TRIQK: variants seen among roughly 807,000 people sequenced by gnomAD.
The protein encoded by TRIQK is triple QxxK/R motif-containing protein.
A neutral mutation model predicts 10.8 loss-of-function variants in TRIQK; 10 were observed. That is an observed-to-expected ratio of 0.92 (90% CI 0.57 to 1.57). The LOEUF (loss-of-function observed/expected upper bound fraction) is 1.57. TRIQK is among the 40% of genes most tolerant of loss of function. The pLI is 0.00. For synonymous variants in TRIQK, 33 were observed against 33.7 expected (o/e 0.98, Z 0.07); for missense variants, 107 against 97.7 (o/e 1.09, Z -0.40).
intron 1 of TRIQK, among the ~76,000 whole-genome samples, chr8:92,984,389 C>T (rs1813012971): frequency 6.6e-6 from 1 of 151,886 alleles, no homozygotes; most frequent in Admixed American, 6.6e-5. Flanking sequence ...ATTTGAAAGG[C>T]AAAGATTCAG....
At chr8:92,912,277 G>T (rs990591605) in intron 3 of TRIQK, among the ~76,000 whole-genome samples, 1 of 151,462 alleles carries the variant, frequency 6.6e-6, no homozygotes, top group East Asian at 1.9e-4. Context: ...AAAGGAAAAT[G>T]GGAAATTCAC....
At chr8:92,899,498 C>A (rs956922919) in intron 3 of TRIQK, among the ~76,000 whole-genome samples, 1 of 151,976 alleles carries the variant, frequency 6.6e-6, no homozygotes, top group Non-Finnish European at 1.5e-5. Flanking sequence ...TGAGAAGATG[C>A]CCACTTTTTC....
At chr8:92,911,902 C>CATATAT (rs3061292) in intron 3 of TRIQK, among the ~76,000 whole-genome samples, 86 of 140,614 alleles carry the variant, frequency 6.1e-4, no homozygotes, top group African/African-American at 1.6e-3. Flanking sequence ...TGTGTGTAGA[C>CATATAT]ATATATATAT....
intron 1 of TRIQK, among the ~76,000 whole-genome samples, chr8:92,990,496 C>T (rs1463072189): frequency 1.3e-5 from 2 of 152,148 alleles, no homozygotes; most frequent in Non-Finnish European, 2.9e-5. Context: ...CGGTCTGCAG[C>T]TCCCAGCAAG....
At chr8:93,000,190 A>G (rs1414677997) in intron 1 of TRIQK, among the ~76,000 whole-genome samples, 1 of 152,200 alleles carries the variant, frequency 6.6e-6, no homozygotes, top group African/African-American at 2.4e-5. Context: ...ATAACTTTCA[A>G]CTTTCTAGTA....
intron 3 of TRIQK, among the ~76,000 whole-genome samples, chr8:92,914,753 T>C (rs1428725150): frequency 1.3e-5 from 2 of 152,060 alleles, no homozygotes; most frequent in African/African-American, 2.4e-5. Context: ...TTAGTGAGGA[T>C]ACAGAAAAGA....
intron 1 of TRIQK, among the ~76,000 whole-genome samples, chr8:93,016,766 C>T (rs918609691): frequency 4.6e-5 from 7 of 152,022 alleles, no homozygotes; most frequent in African/African-American, 7.2e-5. Flanking sequence ...GAGGTATTCC[C>T]GACAGAGGCA....
intron 3 of TRIQK, among the ~76,000 whole-genome samples, chr8:92,915,789 C>T (rs565266900): frequency 3.3e-5 from 5 of 151,878 alleles, no homozygotes; most frequent in Admixed American, 6.6e-5. Context: ...GTTAAGTCAC[C>T]GCGCCCGGCC....
chr8:92,936,540 T>C (rs1474793814), intron 2 of TRIQK, among the ~76,000 whole-genome samples: 1 of 151,590 alleles, frequency 6.6e-6, no homozygotes, highest in Non-Finnish European at 1.5e-5. Flanking sequence ...ACCCTGTTGA[T>C]ACATAGGCAA....
intron 3 of TRIQK, among the ~76,000 whole-genome samples, chr8:92,899,731 T>A (rs561246810): frequency 6.6e-6 from 1 of 151,056 alleles, no homozygotes; most frequent in East Asian, 2.0e-4. Context: ...GATATCTTTT[T>A]GGTATCCTGA....
At chr8:93,015,262 A>C (rs1040840667) in intron 1 of TRIQK, among the ~76,000 whole-genome samples, 2 of 152,060 alleles carry the variant, frequency 1.3e-5, no homozygotes, top group East Asian at 3.9e-4. Flanking sequence ...ACATAATTCT[A>C]GTGTATTTCT....
At chr8:93,004,418 T>C (rs1479934516) in intron 1 of TRIQK, among the ~76,000 whole-genome samples, 1 of 152,152 alleles carries the variant, frequency 6.6e-6, no homozygotes, top group Non-Finnish European at 1.5e-5. Flanking sequence ...CACGAAACAA[T>C]GTTTCCCTCC....
At chr8:92,899,788 T>C (rs1166097649) in intron 3 of TRIQK, among the ~76,000 whole-genome samples, 1 of 152,174 alleles carries the variant, frequency 6.6e-6, no homozygotes, top group African/African-American at 2.4e-5. Context: ...TGCTGGATCA[T>C]CTGGTAGCTC....
At chr8:92,941,559 T>C (rs1236049329) in intron 2 of TRIQK, among the ~76,000 whole-genome samples, 3 of 151,780 alleles carry the variant, frequency 2.0e-5, no homozygotes, top group Non-Finnish European at 4.4e-5. Context: ...ATGAAACTTA[T>C]AATCAATAGA....
chr8:92,899,671 T>C (rs766125441), intron 3 of TRIQK, among the ~76,000 whole-genome samples: 1 of 152,226 alleles, frequency 6.6e-6, no homozygotes, highest in Non-Finnish European at 1.5e-5. Flanking sequence ...CTTAGGTTGC[T>C]TCTGAATCTT....
chr8:92,943,335 T>C (rs1158475327), intron 2 of TRIQK, among the ~76,000 whole-genome samples: 1 of 152,104 alleles, frequency 6.6e-6, no homozygotes, highest in Non-Finnish European at 1.5e-5. Context: ...TTAAAATTCA[T>C]ATGGACCCAG....
chr8:92,994,656 G>A (rs1367877955), intron 1 of TRIQK, among the ~76,000 whole-genome samples: 1 of 150,750 alleles, frequency 6.6e-6, no homozygotes, highest in African/African-American at 2.4e-5. Context: ...ACAAGTCCTG[G>A]TCCTTCTCTT....
At chr8:92,892,176 C>T in intron 3 of TRIQK, 102 bp from the exon 4 acceptor site, 1 of 808,020 alleles carries the variant, frequency 1.2e-6, no homozygotes, top group Non-Finnish European at 1.9e-6. Context: ...GAAACAGGGA[C>T]ACGGAGTTGC....
chr8:92,982,357 T>G (rs958303817), intron 1 of TRIQK, among the ~76,000 whole-genome samples: 1 of 151,964 alleles, frequency 6.6e-6, no homozygotes, highest in African/African-American at 2.4e-5. Context: ...TCAATAGAAA[T>G]AAAGATTTAT....
Sources: allele counts gnomAD v4.1 joint callset (sites outside exome capture counted in the v4.1 genomes callset), GRCh38; gene constraint gnomAD v4.1.1; transcripts MANE v1.5; gene names NCBI Gene and HGNC (gene_info 2026-07-23, HGNC 2026-07-21).